Variants in TENM4 observed in about 807,000 individuals in gnomAD.
The protein encoded by TENM4 is teneurin-4.
TENM4 carries 82 observed loss-of-function variants against 243.3 expected under a neutral mutation model. That is an observed-to-expected ratio of 0.34 (90% CI 0.28 to 0.40). TENM4 has a LOEUF of 0.40. Ranked by LOEUF, TENM4 falls within the 10% of genes least tolerant of loss-of-function variation. The pLI, the probability that TENM4 is intolerant of heterozygous loss-of-function variation, is 1.00. For missense variants in TENM4, 3,138 were observed against 3,673.3 expected, an observed-to-expected ratio of 0.85 and a Z score of 3.77; for synonymous variants, 1,412 against 1,456.3, an observed-to-expected ratio of 0.97 and a Z score of 0.69.
intron 6 of TENM4, among the ~76,000 whole-genome samples, chr11:78,978,176 G>A (rs1857708056): frequency 6.6e-6 from 1 of 151,404 alleles, no homozygotes; most frequent in South Asian, 2.1e-4. Flanking sequence ...ACACAGGGAG[G>A]GGAAAAACAT....
chr11:78,692,844 T>A (rs1278007312), intron 28 of TENM4, among the ~76,000 whole-genome samples: 9 of 152,190 alleles, frequency 5.9e-5, no homozygotes, highest in Admixed American at 4.6e-4. Context: ...CATGGCTTGT[T>A]CCTGTCATCA....
intron 2 of TENM4, among the ~76,000 whole-genome samples, chr11:79,264,270 T>G (rs1364047404): frequency 6.6e-6 from 1 of 152,230 alleles, no homozygotes; most frequent in African/African-American, 2.4e-5. Flanking sequence ...TTGGCCTTCC[T>G]GTTTTGTCAC....
Position 79,119,363 on chromosome 11 carries a change from A to G in TENM4, c.-66+29347T>C, listed in dbSNP as rs191374188. On this transcript the variant is annotated intron_variant, in intron 4 of 33. Transcript: ENST00000278550. ...GATAATCATTATTATTGTGATAATC[A>G]TTATCATTATTGTCCTTGTTGTTAT... is the stretch of plus-strand genomic sequence containing the variant. Among the ~76,000 whole-genome samples, 308 of 150,886 alleles carry G rather than the reference A, an allele frequency of 2.0e-3. 4 individuals are homozygous for G. Among genetic ancestry groups the G allele is most frequent in the African/African-American group, 7.2e-3 (296 of 41,168 alleles).
chr11:78,718,128 A>G (rs80029388), intron 25 of TENM4, among the ~76,000 whole-genome samples: 2,782 of 152,230 alleles, frequency 0.018, 84 homozygotes, highest in African/African-American at 0.064. Context: ...ATACAACTCT[A>G]TAATTTTTAA....
chr11:79,130,938 A>C (rs1051619513), intron 4 of TENM4, among the ~76,000 whole-genome samples: 2 of 152,234 alleles, frequency 1.3e-5, no homozygotes, highest in Non-Finnish European at 2.9e-5. Flanking sequence ...AATTCAGAGC[A>C]TGAAGACAAG....
At chr11:78,745,788 C>A (rs937470179) in intron 19 of TENM4, among the ~76,000 whole-genome samples, 1 of 152,132 alleles carries the variant, frequency 6.6e-6, no homozygotes, top group Admixed American at 6.5e-5. Context: ...GTGTATGTGA[C>A]TTTTTTGTAT....
At chr11:79,084,402 G>A (rs56791939) in intron 4 of TENM4, among the ~76,000 whole-genome samples, 12,561 of 152,170 alleles carry the variant, frequency 0.083, 642 homozygotes, top group East Asian at 0.24. Context: ...TTATGTTCAT[G>A]CAAAAAGCCG....
chr11:79,136,053 G>A (rs1862104401), intron 4 of TENM4, among the ~76,000 whole-genome samples: 1 of 151,726 alleles, frequency 6.6e-6, no homozygotes, highest in Non-Finnish European at 1.5e-5. Flanking sequence ...TGGGTTGGGG[G>A]CAAGGGATAA....
At chr11:78,742,694 C>T (rs1855958258) in intron 19 of TENM4, among the ~76,000 whole-genome samples, 1 of 152,162 alleles carries the variant, frequency 6.6e-6, no homozygotes, top group African/African-American at 2.4e-5. Flanking sequence ...ACACTCAGGG[C>T]CTGACTGAGG....
chr11:79,211,366 C>T (rs537195440), intron 3 of TENM4, among the ~76,000 whole-genome samples: 75 of 152,310 alleles, frequency 4.9e-4, no homozygotes, highest in Non-Finnish European at 1.8e-4. Context: ...CCTCACTCCC[C>T]GCTGGACTCG....
At chr11:79,095,119 A>G (rs984020224) in intron 4 of TENM4, among the ~76,000 whole-genome samples, 1 of 152,122 alleles carries the variant, frequency 6.6e-6, no homozygotes, top group Non-Finnish European at 1.5e-5. Flanking sequence ...GGGCAGGAGC[A>G]GGCCCCTCTT....
chr11:78,979,367 T>C (rs1857738556), intron 6 of TENM4, among the ~76,000 whole-genome samples: 2 of 152,156 alleles, frequency 1.3e-5, no homozygotes, highest in Admixed American at 6.5e-5. Flanking sequence ...AATATGCAAT[T>C]CCCCTACAAT....
intron 3 of TENM4, among the ~76,000 whole-genome samples, chr11:79,199,887 C>A (rs1007508753): frequency 1.8e-4 from 28 of 152,190 alleles, no homozygotes; most frequent in African/African-American, 6.5e-4. Flanking sequence ...AAGAAGTGTG[C>A]CACACAAGGG....
intron 3 of TENM4, among the ~76,000 whole-genome samples, chr11:79,155,817 T>C (rs1862602217): frequency 6.6e-6 from 1 of 150,916 alleles, no homozygotes; most frequent in East Asian, 2.0e-4. Flanking sequence ...CTAGGCTTTC[T>C]CCCTGAGATC....
chr11:78,895,916 G>T (rs1855782431), intron 7 of TENM4, among the ~76,000 whole-genome samples: 1 of 152,312 alleles, frequency 6.6e-6, no homozygotes, highest in East Asian at 1.9e-4. Context: ...CAGCTAAGTG[G>T]TGGGCTGTTC....
At chr11:79,167,967 C>A (rs963490196) in intron 3 of TENM4, among the ~76,000 whole-genome samples, 1 of 152,238 alleles carries the variant, frequency 6.6e-6, no homozygotes, top group African/African-American at 2.4e-5. Context: ...ACATCATTAA[C>A]ATGGTTCCCT....
intron 9 of TENM4, among the ~76,000 whole-genome samples, chr11:78,869,471 C>T (rs949124800): frequency 3.3e-5 from 5 of 150,680 alleles, no homozygotes; most frequent in African/African-American, 1.2e-4. Context: ...AAGGAAGCCT[C>T]CAACTTAGTG....
intron 2 of TENM4, among the ~76,000 whole-genome samples, chr11:79,221,837 TC>T (rs1313110996): frequency 3.9e-5 from 6 of 152,206 alleles, no homozygotes; most frequent in Non-Finnish European, 8.8e-5. Flanking sequence ...TTGTTTTTTT[TC>T]TTTTTTTACA....
Position 78,975,333 on chromosome 11 carries a change from C to T in TENM4, c.494-71810G>A, listed in dbSNP as rs575104685. ...CACACCTCTGGAGGCTGAAATTGGGCTGATGGAAAGGCCAGTTTCCATGGG... is the reference window on the plus strand; with the variant it reads ...CACACCTCTGGAGGCTGAAATTGGGTTGATGGAAAGGCCAGTTTCCATGGG... On this transcript the variant is annotated intron_variant, in intron 6 of 33. Coordinates refer to ENST00000278550, the MANE Select transcript of TENM4 (RefSeq NM_001098816.3). Among the ~76,000 whole-genome samples the T allele has an allele frequency of 1.8e-4, 27 of 152,062 alleles. No individual in the cohort carries two copies. In the South Asian group the frequency reaches 4.8e-3, roughly 27 times the overall value.
Sources: allele counts gnomAD v4.1 joint callset (sites outside exome capture counted in the v4.1 genomes callset), GRCh38; gene constraint gnomAD v4.1.1; transcripts MANE v1.5; gene names NCBI Gene and HGNC (gene_info 2026-07-23, HGNC 2026-07-21).